WEE2: variants seen among roughly 807,000 people sequenced by gnomAD.
WEE2 encodes WEE2 oocyte meiosis inhibiting kinase.
Under a neutral mutation model 60.1 loss-of-function variants are expected in WEE2, and 50 were observed. The observed-to-expected ratio is 0.83, with a 90% CI of 0.66 to 1.05. The LOEUF (loss-of-function observed/expected upper bound fraction) is 1.05. WEE2 is among the 50% of genes least tolerant of loss of function. The pLI, the probability that WEE2 is intolerant of heterozygous loss-of-function variation, is 0.00. For synonymous variants in WEE2, 240 were observed against 241.0 expected (o/e 1.00, Z 0.04); for missense variants, 631 against 684.3 (o/e 0.92, Z 0.87).
intron 11 of WEE2, 123 bp from the exon 12 acceptor site, chr7:141,730,172 G>A (rs1454522156): frequency 5.2e-6 from 4 of 775,160 alleles, no homozygotes; most frequent in Non-Finnish European, 6.0e-6. Context: ...CCTAAAGCTA[G>A]TAAGGCTTTG....
chr7:141,714,083 T>A, intron 1 of WEE2, 126 bp from the exon 2 acceptor site: 1 of 739,898 alleles, frequency 1.4e-6, no homozygotes, highest in Non-Finnish European at 2.2e-6. Flanking sequence ...CCAGTTCACA[T>A]GGAACCAGAT....
chr7:141,729,778 G>A (rs1799097152), intron 11 of WEE2, 105 bp downstream of exon 11: 2 of 1,339,226 alleles, frequency 1.5e-6, no homozygotes, highest in Non-Finnish European at 2.0e-6. Flanking sequence ...CATGAGGTCA[G>A]GAGATCGAAA....
rs752916883 is a variant in WEE2 at position 141,719,158 on chromosome 7, TAC to T, written c.674_675del (p.Thr225SerfsTer6). ...VEKIGVGEFG[T>X]VYKCIKRLDG... Reference sequence around the variant, plus strand: ...AAAAAATTGGGGTTGGCGAATTTGGTACAGTCTACAAGTGCATTAAGAGGCTG... The same window carrying T: ...AAAAAATTGGGGTTGGCGAATTTGGTAGTCTACAAGTGCATTAAGAGGCTG... On this transcript the variant is annotated frameshift_variant, in exon 4 of 12. Transcript: ENST00000397541. LOFTEE classifies it high-confidence loss of function. 88 of 1,614,114 alleles carry T rather than the reference TAC, an allele frequency of 5.5e-5. No homozygotes were observed. Among genetic ancestry groups the T allele is most frequent in the Non-Finnish European group, 2.3e-5 (27 of 1,179,986 alleles).
At position 141,725,085 on chromosome 7, in the gene WEE2, T is replaced by C. The variant is rs1798987837; in HGVS notation, c.1281T>C (p.Ala427=). 3 of 1,614,216 alleles carry C rather than the reference T, an allele frequency of 1.9e-6. No individual in the cohort carries two copies. The South Asian group carries it at 3.3e-5, about 18-fold the overall frequency. Residue 427 remains alanine, a synonymous_variant, in exon 9 of 12, where the codon GCT becomes GCC. Transcript: ENST00000397541. ...IFALGLTIAV[A]AGAESLPTNG... is the part of the protein sequence containing the mutation. Reference sequence around the variant, plus strand: ...CCTTGGGATTAACAATTGCAGTGGCTGCAGGAGCAGAGTCATTGCCCACCA... The same window carrying C: ...CCTTGGGATTAACAATTGCAGTGGCCGCAGGAGCAGAGTCATTGCCCACCA...
In WEE2 at chr7:141,727,356, G is replaced by C. The variant is rs772438534; in HGVS notation, c.1445G>C (p.Arg482Thr). The change falls in exon 10 of 12, where the codon AGA (arginine) becomes ACA (threonine). Residue 482 changes from arginine to threonine, a missense_variant. Coordinates refer to ENST00000397541, the MANE Select transcript of WEE2 (RefSeq NM_001105558.1). ...AGACCTTCTGCAGCAGCTCTGGCCA[G>C]AAATACAGTTCTCCGGCCTTCCCTG... is the stretch of plus-strand genomic sequence containing the variant. ...EQRPSAAALA[R>T]NTVLRPSLGK... 1.2e-6 allele frequency: 2 copies of C among 1,614,058 alleles called. No homozygotes were observed. Among genetic ancestry groups the C allele is most frequent in the East Asian group, 4.5e-5 (2 of 44,900 alleles).
At chr7:141,710,791 G>T (rs1050128410) in intron 1 of WEE2, among the ~76,000 whole-genome samples, 9 of 152,164 alleles carry the variant, frequency 5.9e-5, no homozygotes, top group Non-Finnish European at 1.0e-4. Flanking sequence ...GGGCCTGTGT[G>T]TGAGAGAGTG....
rs1217380417 is a variant in WEE2 at position 141,711,480 on chromosome 7, G to A, written c.342+2380G>A. Among the ~76,000 whole-genome samples, 1 of 152,166 alleles carries A rather than the reference G, an allele frequency of 6.6e-6. No homozygotes were observed. The highest frequency in any genetic ancestry group is 1.5e-5 in the Non-Finnish European group (1 of 68,020). ...GTTATGCAGAAGACAAAGCTGCATGGGAAAGGAGGATTGGCTTAGTCAGTC... is the reference window on the plus strand; with the variant it reads ...GTTATGCAGAAGACAAAGCTGCATGAGAAAGGAGGATTGGCTTAGTCAGTC... On this transcript the variant is annotated intron_variant, in intron 1 of 11. Transcript: ENST00000397541. This position sits in a 1 kb window ranked among gnomAD's most constrained non-coding sequence, Gnocchi z 4.2.
rs1230307408 is a variant in WEE2, at chr7:141,719,253, C to CT, written c.758+12dup. 2 of 1,574,236 alleles carry CT rather than the reference C, an allele frequency of 1.3e-6. No homozygotes were observed. The highest frequency in any genetic ancestry group is 2.2e-5 in the East Asian group (1 of 44,514). ...ACAGAATTATCAAATGAGTGAGTACCTTTGAAATGCACTAAAAATATAAAC... is the reference window on the plus strand; with the variant it reads ...ACAGAATTATCAAATGAGTGAGTACCTTTTGAAATGCACTAAAAATATAAAC... On this transcript the variant is annotated intron_variant, in intron 4 of 11. Coordinates refer to ENST00000397541, the MANE Select transcript of WEE2 (RefSeq NM_001105558.1).
At chr7:141,716,930 A>G (rs898813132) in intron 3 of WEE2, among the ~76,000 whole-genome samples, 1 of 152,230 alleles carries the variant, frequency 6.6e-6, no homozygotes, top group Non-Finnish European at 1.5e-5. Flanking sequence ...CTAAGAAAAT[A>G]ATACTGCAAA....
intron 10 of WEE2, among the ~76,000 whole-genome samples, chr7:141,728,610 G>A (rs1276074297): frequency 6.6e-6 from 1 of 152,172 alleles, no homozygotes; most frequent in Non-Finnish European, 1.5e-5. Context: ...TCATCAGCCA[G>A]TACCAGTGAT....
intron 9 of WEE2, 25 bp downstream of exon 9, chr7:141,725,221 G>C (rs1489645986): frequency 1.2e-6 from 2 of 1,600,654 alleles, no homozygotes; most frequent in Non-Finnish European, 1.7e-6. Context: ...GAGATGAACA[G>C]AAGATGCAAT....
intron 3 of WEE2, among the ~76,000 whole-genome samples, chr7:141,718,332 C>T (rs1305881361): frequency 6.6e-6 from 1 of 151,906 alleles, no homozygotes; most frequent in Non-Finnish European, 1.5e-5. Context: ...TTGACACTAT[C>T]CTAAGATATA....
chr7:141,728,508 ATACTT>A (rs1427922665), intron 10 of WEE2, among the ~76,000 whole-genome samples: 1 of 152,374 alleles, frequency 6.6e-6, no homozygotes, highest in East Asian at 1.9e-4. Context: ...ACAAAGTACT[ATACTT>A]ACATATGTTA....
intron 1 of WEE2, among the ~76,000 whole-genome samples, chr7:141,710,041 G>C (rs1798687219): frequency 6.6e-6 from 1 of 152,170 alleles, no homozygotes; most frequent in Non-Finnish European, 1.5e-5. Flanking sequence ...TGTATACCAG[G>C]AAATTCTAAG....
intron 3 of WEE2, among the ~76,000 whole-genome samples, chr7:141,718,168 A>G (rs1373908125): frequency 6.6e-6 from 1 of 152,148 alleles, no homozygotes; most frequent in Non-Finnish European, 1.5e-5. Flanking sequence ...AGTAAAACCC[A>G]AGATTTTTCA....
chr7:141,721,228 A>C (rs1798903665), intron 5 of WEE2, among the ~76,000 whole-genome samples, 172 bp downstream of exon 5: 1 of 152,176 alleles, frequency 6.6e-6, no homozygotes, highest in South Asian at 2.1e-4. Flanking sequence ...CTTCCTCTTA[A>C]AGGGGTCCTC....
chr7:141,720,141 CTTTTTTTTTTTTTTTTTTTTTTTTT>C, intron 4 of WEE2, among the ~76,000 whole-genome samples: 1 of 64,178 alleles, frequency 1.6e-5, no homozygotes, highest in South Asian at 9.0e-4. Context: ...TAGAATTCCT[CTTTTTTTTTTTTTTTTTTTTTTTTT>C]TTTTTTTGAG....
intron 4 of WEE2, among the ~76,000 whole-genome samples, chr7:141,720,141 CTTTTTTTTTTTT>C (rs571238574): frequency 0.013 from 854 of 64,226 alleles, 9 homozygotes; most frequent in Non-Finnish European, 0.015. Context: ...TAGAATTCCT[CTTTTTTTTTTTT>C]TTTTTTTTTT....
Position 141,714,310 on chromosome 7 carries a change from C to T in WEE2, c.444C>T (p.Thr148=). The T allele has an allele frequency of 6.2e-7, 1 of 1,613,840 alleles. No homozygotes were observed. Among genetic ancestry groups the T allele is most frequent in the East Asian group, 2.2e-5 (1 of 44,868 alleles). ...LTPAPLKDEM[T]SLALVNINPF... Reference sequence around the variant, plus strand: ...CTGCTCCCCTCAAGGATGAGATGACCTCATTGGCTCTGGTCAATATTAATC... The same window carrying T: ...CTGCTCCCCTCAAGGATGAGATGACTTCATTGGCTCTGGTCAATATTAATC... The change falls in exon 2 of 12, where the codon ACC becomes ACT. Residue 148 remains threonine (T), a synonymous_variant. Transcript: ENST00000397541.
Sources: gnomAD v4.1 joint callset for allele counts (sites outside exome capture counted in the v4.1 genomes callset) on GRCh38, gnomAD v4.1.1 for gene constraint, Gnocchi (gnomAD v3.1) non-coding constraint, MANE v1.5 for transcripts, NCBI Gene and HGNC (gene_info 2026-07-23, HGNC 2026-07-21) for gene names.